The following SND1 variants were observed in gnomAD, a reference collection of about 807,000 sequenced individuals.
SND1 encodes the protein staphylococcal nuclease and tudor domain containing 1.
Under a neutral mutation model 121.7 loss-of-function variants are expected in SND1, and 38 were observed. That is an observed-to-expected ratio of 0.31 (90% CI 0.24 to 0.41). SND1 has a LOEUF of 0.41. SND1 is among the 10% of genes least tolerant of loss of function. The pLI is 1.00. For missense variants in SND1, 868 were observed against 1,184.6 expected, an observed-to-expected ratio of 0.73 and a Z score of 3.92; for synonymous variants, 401 against 447.4, an observed-to-expected ratio of 0.90 and a Z score of 1.31.
chr7:127,836,153 C>A (rs1798863870), intron 11 of SND1, among the ~76,000 whole-genome samples: 1 of 152,152 alleles, frequency 6.6e-6, no homozygotes, highest in Non-Finnish European at 1.5e-5. Flanking sequence ...TACCTTTCCC[C>A]TCAAAACAGA....
chr7:128,006,133 T>C (rs1398810442), intron 16 of SND1, among the ~76,000 whole-genome samples: 1 of 152,182 alleles, frequency 6.6e-6, no homozygotes, highest in African/African-American at 2.4e-5. Context: ...GGAAGTGTTC[T>C]TGTTCTTAGA....
At chr7:127,846,621 G>A (rs1799068803) in intron 12 of SND1, among the ~76,000 whole-genome samples, 1 of 152,160 alleles carries the variant, frequency 6.6e-6, no homozygotes, top group African/African-American at 2.4e-5. Context: ...TAACTTTATT[G>A]CAAACTCTTC....
At chr7:128,028,926 T>C (rs765678819) in intron 16 of SND1, 1 of 1,611,196 alleles carries the variant, frequency 6.2e-7, no homozygotes, top group Admixed American at 1.7e-5. Context: ...GATGTCTTCG[T>C]CCACCTGGAT....
intron 9 of SND1, among the ~76,000 whole-genome samples, chr7:127,708,713 C>T (rs765350928): frequency 6.6e-6 from 1 of 152,070 alleles, no homozygotes; most frequent in Non-Finnish European, 1.5e-5. Flanking sequence ...TTCTTAGTTG[C>T]ATGGTTTTGT....
chr7:128,060,992 A>C (rs1793221774), intron 16 of SND1, among the ~76,000 whole-genome samples: 1 of 152,208 alleles, frequency 6.6e-6, no homozygotes, highest in Non-Finnish European at 1.5e-5. Flanking sequence ...AATTCTGCTT[A>C]GCACAACAGA....
At chr7:127,943,779 G>T (rs1441207770) in intron 15 of SND1, among the ~76,000 whole-genome samples, 1 of 152,164 alleles carries the variant, frequency 6.6e-6, no homozygotes, top group Non-Finnish European at 1.5e-5. Context: ...ACATTCATTT[G>T]GTAACGTTTA....
chr7:127,663,842 A>G (rs565806026), intron 1 of SND1, among the ~76,000 whole-genome samples: 1 of 152,316 alleles, frequency 6.6e-6, no homozygotes, highest in East Asian at 1.9e-4. Context: ...AAGTGCAGAT[A>G]GACAGGTGGA....
chr7:127,787,013 GAT>G (rs1797825863), intron 10 of SND1, among the ~76,000 whole-genome samples: 1 of 152,176 alleles, frequency 6.6e-6, no homozygotes, highest in Non-Finnish European at 1.5e-5. Flanking sequence ...TAATGGATGT[GAT>G]ATCCTGTACA....
At chr7:127,811,847 G>T (rs1013278094) in intron 11 of SND1, among the ~76,000 whole-genome samples, 1 of 152,118 alleles carries the variant, frequency 6.6e-6, no homozygotes. Flanking sequence ...TAATTTGGTG[G>T]CTACCATTTT....
chr7:127,826,825 T>C (rs1798651087), intron 11 of SND1, among the ~76,000 whole-genome samples: 1 of 152,230 alleles, frequency 6.6e-6, no homozygotes, highest in Non-Finnish European at 1.5e-5. Context: ...TGGATAGTTT[T>C]GGAGAGAGCC....
chr7:127,967,491 TC>T (rs1801881108), intron 15 of SND1, among the ~76,000 whole-genome samples: 3 of 152,336 alleles, frequency 2.0e-5, no homozygotes, highest in East Asian at 3.9e-4. Context: ...CTTGATGTAC[TC>T]CCTTCCTGAT....
intron 11 of SND1, among the ~76,000 whole-genome samples, chr7:127,826,725 A>G (rs2116615800): frequency 6.6e-6 from 1 of 152,340 alleles, no homozygotes; most frequent in South Asian, 2.1e-4. Flanking sequence ...CCTTATTTTA[A>G]AACAACATAG....
intron 16 of SND1, among the ~76,000 whole-genome samples, chr7:128,018,171 A>G (rs573507019): frequency 1.3e-5 from 2 of 152,248 alleles, no homozygotes; most frequent in Admixed American, 6.5e-5. Context: ...CAGCAAAAGA[A>G]GCACTTGAGG....
chr7:128,030,088 C>T, intron 16 of SND1: 1 of 1,613,778 alleles, frequency 6.2e-7, no homozygotes, highest in Non-Finnish European at 8.5e-7. Flanking sequence ...GAGATATACT[C>T]CAGCTTCTTG....
chr7:128,015,355 A>G lies in SND1; in HGVS notation c.1779+24299A>G, dbSNP rs945711601. ...ATAGAACAGGGCAAGGTTTAAGTTC[A>G]TATTTTGCAGAAAACACTTTCCAGC... On this transcript the variant is annotated intron_variant, in intron 16 of 23. Transcript: ENST00000354725. The surrounding 1 kb of genome is among the most constrained non-coding windows in gnomAD (Gnocchi z 4.5). Among the ~76,000 whole-genome samples the G allele has an allele frequency of 2.0e-5, 3 of 152,212 alleles. No homozygotes were observed. Among genetic ancestry groups the G allele is most frequent in the South Asian group, 2.1e-4 (1 of 4,836 alleles).
At chr7:128,090,432 C>G (rs866033587) in intron 22 of SND1, among the ~76,000 whole-genome samples, 5 of 152,180 alleles carry the variant, frequency 3.3e-5, no homozygotes, top group African/African-American at 1.2e-4. Flanking sequence ...CACTGAGGCC[C>G]TATTGCAGAC....
chr7:127,948,775 G>A (rs1158368454), intron 15 of SND1, among the ~76,000 whole-genome samples: 1 of 152,194 alleles, frequency 6.6e-6, no homozygotes, highest in Non-Finnish European at 1.5e-5. Context: ...ATGTCTCCCA[G>A]ATATTTGTGC....
intron 16 of SND1, among the ~76,000 whole-genome samples, chr7:128,022,596 C>G (rs991043271): frequency 1.3e-5 from 2 of 152,224 alleles, no homozygotes; most frequent in Non-Finnish European, 2.9e-5. Context: ...TGATAGACAT[C>G]ACTATTTTTA....
At chr7:128,065,574 C>T (rs1192943088) in intron 16 of SND1, among the ~76,000 whole-genome samples, 1 of 152,188 alleles carries the variant, frequency 6.6e-6, no homozygotes, top group Admixed American at 6.5e-5. Context: ...GCAGTTACTC[C>T]ATAGATCATA....
Sources: gnomAD v4.1 joint callset for allele counts (sites outside exome capture counted in the v4.1 genomes callset) on GRCh38, gnomAD v4.1.1 for gene constraint, Gnocchi (gnomAD v3.1) non-coding constraint, MANE v1.5 for transcripts, NCBI Gene and HGNC (gene_info 2026-07-23, HGNC 2026-07-21) for gene names.